The following TENM4 variants were observed in gnomAD, a reference collection of about 807,000 sequenced individuals.
TENM4 encodes teneurin-4.
A neutral mutation model predicts 243.3 loss-of-function variants in TENM4; 82 were observed. That is an observed-to-expected ratio of 0.34 (90% CI 0.28 to 0.40). The LOEUF (loss-of-function observed/expected upper bound fraction) is 0.40, where lower values mean the gene tolerates loss of function less well. Ranked by LOEUF, TENM4 falls within the 10% of genes least tolerant of loss-of-function variation. The probability of loss-of-function intolerance (pLI) is 1.00; values close to 1 mark genes in which losing one functional copy is unlikely to be tolerated. For synonymous variants in TENM4, 1,412 were observed against 1,456.3 expected (o/e 0.97, Z 0.69); for missense variants, 3,138 against 3,673.3 (o/e 0.85, Z 3.77).
Position 78,688,097 on chromosome 11 carries a change from G to T in TENM4, c.5217C>A (p.Thr1739=). 1 of 1,613,884 alleles carries T rather than the reference G, an allele frequency of 6.2e-7. No homozygotes were observed. The highest frequency in any genetic ancestry group is 8.5e-7 in the Non-Finnish European group (1 of 1,179,856). ...ETSSKDDVTI[T]TNLSASGAFY... ...AGGCGCCTGAGGCAGACAGGTTGGT[G>T]GTTATGGTGACATCATCCTTGCTGG... The change falls in exon 29 of 34, where the codon ACC becomes ACA. Residue 1739 remains threonine, a synonymous_variant. Transcript: ENST00000278550.
chr11:78,671,388 C>T (rs1192208753), intron 31 of TENM4, among the ~76,000 whole-genome samples: 2 of 152,194 alleles, frequency 1.3e-5, no homozygotes, highest in Non-Finnish European at 2.9e-5. Flanking sequence ...ATGCCCTGGA[C>T]AGGTCACCAG....
chr11:78,971,144 C>T (rs754124403), intron 6 of TENM4, among the ~76,000 whole-genome samples: 5 of 152,096 alleles, frequency 3.3e-5, no homozygotes, highest in Non-Finnish European at 7.3e-5. Flanking sequence ...CCGACTCAGC[C>T]TCCCGAGTAG....
At chr11:78,894,400 G>A (rs982901273) in intron 7 of TENM4, among the ~76,000 whole-genome samples, 6 of 152,022 alleles carry the variant, frequency 3.9e-5, no homozygotes, top group African/African-American at 4.8e-5. Context: ...AAGACATAAA[G>A]GATAAAGATC....
chr11:78,895,460 G>A (rs1855771168), intron 7 of TENM4, among the ~76,000 whole-genome samples: 1 of 152,032 alleles, frequency 6.6e-6, no homozygotes. Flanking sequence ...CATGTGCCCT[G>A]CCCTCATACC....
At chr11:79,132,827 C>T (rs1217127771) in intron 4 of TENM4, among the ~76,000 whole-genome samples, 5 of 152,054 alleles carry the variant, frequency 3.3e-5, no homozygotes, top group Admixed American at 3.3e-4. Context: ...CTATCAACAC[C>T]TCTGGGATAT....
chr11:78,741,905 A>T (rs547730172), intron 19 of TENM4, among the ~76,000 whole-genome samples: 1 of 152,212 alleles, frequency 6.6e-6, no homozygotes, highest in Admixed American at 6.5e-5. Flanking sequence ...ATCCTCTATT[A>T]CCAGTCCTCT....
At chr11:79,272,541 T>C (rs1189798753) in intron 2 of TENM4, among the ~76,000 whole-genome samples, 1 of 152,206 alleles carries the variant, frequency 6.6e-6, no homozygotes, top group Non-Finnish European at 1.5e-5. Flanking sequence ...ATGGTACATA[T>C]TAATTCAGAC....
chr11:78,882,178 C>T (rs761834533), intron 9 of TENM4, among the ~76,000 whole-genome samples: 37 of 152,184 alleles, frequency 2.4e-4, no homozygotes, highest in Non-Finnish European at 4.9e-4. Flanking sequence ...GTAATAGGCT[C>T]ATGCTAATGA....
chr11:79,051,871 T>C (rs1859802230), intron 6 of TENM4, among the ~76,000 whole-genome samples: 1 of 152,186 alleles, frequency 6.6e-6, no homozygotes, highest in Admixed American at 6.5e-5. Flanking sequence ...GAACATGCAG[T>C]GTCTGATTTT....
chr11:78,991,587 G>A (rs771056632), intron 6 of TENM4, among the ~76,000 whole-genome samples: 23 of 152,174 alleles, frequency 1.5e-4, no homozygotes, highest in Admixed American at 2.6e-4. Flanking sequence ...CAGCCCTAGG[G>A]CACTTGGCTA....
intron 1 of TENM4, among the ~76,000 whole-genome samples, chr11:79,359,391 G>T (rs759198188): frequency 2.0e-5 from 3 of 151,940 alleles, no homozygotes; most frequent in Non-Finnish European, 4.4e-5. Context: ...TTTTTTAAAA[G>T]GTGGGGAAAT....
intron 19 of TENM4, 76 bp from the exon 20 acceptor site, chr11:78,738,646 G>A (rs1372596811): frequency 1.1e-5 from 16 of 1,496,128 alleles, no homozygotes; most frequent in African/African-American, 4.2e-5. Context: ...AACCCCGAGA[G>A]GCCAGAAGCC....
At chr11:78,955,050 C>T (rs1857180001) in intron 6 of TENM4, among the ~76,000 whole-genome samples, 1 of 152,196 alleles carries the variant, frequency 6.6e-6, no homozygotes, top group Admixed American at 6.5e-5. Context: ...AACTGGGAAA[C>T]TGAGCTCACA....
intron 9 of TENM4, 38 bp from the exon 10 acceptor site, chr11:78,863,170 G>T (rs1361149700): frequency 6.9e-7 from 1 of 1,447,058 alleles, no homozygotes; most frequent in African/African-American, 1.4e-5. Flanking sequence ...TTTTTCTGCT[G>T]GAGGCAGAAA....
chr11:78,880,457 TAAAAAAAAAAAAAAAAAAAAAA>T (rs71763484), intron 9 of TENM4, among the ~76,000 whole-genome samples: 5 of 104,642 alleles, frequency 4.8e-5, no homozygotes, highest in African/African-American at 2.0e-4. Flanking sequence ...CAATAAATAC[TAAAAAAAAAAAAAAAAAAAAAA>T]AAAAAAAAAA....
intron 9 of TENM4, among the ~76,000 whole-genome samples, chr11:78,875,146 C>T (rs1296758475): frequency 6.6e-6 from 1 of 152,152 alleles, no homozygotes; most frequent in Non-Finnish European, 1.5e-5. Flanking sequence ...TGCACATGTG[C>T]ATGGCAGTGC....
At chr11:79,063,514 G>T (rs1860154053) in intron 6 of TENM4, among the ~76,000 whole-genome samples, 1 of 152,152 alleles carries the variant, frequency 6.6e-6, no homozygotes, top group African/African-American at 2.4e-5. Context: ...AGCCCTCCAG[G>T]TGCTGGGGCT....
intron 28 of TENM4, among the ~76,000 whole-genome samples, chr11:78,696,747 C>T (rs1322842063): frequency 6.6e-6 from 1 of 152,168 alleles, no homozygotes; most frequent in Non-Finnish European, 1.5e-5. Flanking sequence ...ATGTTCCTGC[C>T]GTTCTCTAAC....
intron 17 of TENM4, among the ~76,000 whole-genome samples, chr11:78,776,097 T>C (rs1856734094): frequency 6.6e-6 from 1 of 152,170 alleles, no homozygotes; most frequent in Admixed American, 6.5e-5. Flanking sequence ...GCCATCATCA[T>C]CTCTTACCTA....
Sources: allele counts gnomAD v4.1 joint callset (sites outside exome capture counted in the v4.1 genomes callset), GRCh38; gene constraint gnomAD v4.1.1; transcripts MANE v1.5; gene names NCBI Gene and HGNC (gene_info 2026-07-23, HGNC 2026-07-21).